HEG1: variants seen among roughly 807,000 people sequenced by gnomAD.
The protein encoded by HEG1 is protein HEG homolog 1.
HEG1 carries 56 observed loss-of-function variants against 125.6 expected under a neutral mutation model. The observed-to-expected ratio is 0.45, with a 90% CI of 0.36 to 0.56. The LOEUF is 0.56. HEG1 is among the 20% of genes least tolerant of loss of function. The pLI is 0.00. For synonymous variants in HEG1, 644 were observed against 668.5 expected, an observed-to-expected ratio of 0.96 and a Z score of 0.57; for missense variants, 1,523 against 1,670.0, an observed-to-expected ratio of 0.91 and a Z score of 1.53.
chr3:125,049,499 T>G (rs535943902), intron 1 of HEG1, among the ~76,000 whole-genome samples: 1 of 152,280 alleles, frequency 6.6e-6, no homozygotes, highest in South Asian at 2.1e-4. Context: ...CCGGCCTCCC[T>G]CTAGTTCAGT....
chr3:125,030,143 C>T (rs1937477482), intron 1 of HEG1, among the ~76,000 whole-genome samples: 1 of 152,152 alleles, frequency 6.6e-6, no homozygotes, highest in East Asian at 1.9e-4. Context: ...CAAGAAGCAT[C>T]TCATATTCGC....
rs1220849175 is a variant in HEG1, at chr3:124,987,950, C to CATAT, written c.3733+2836_3733+2837insATAT. On this transcript the variant is annotated intron_variant, in intron 14 of 16. Coordinates refer to ENST00000311127, the MANE Select transcript of HEG1 (RefSeq NM_020733.2). ...ACACACACACACACACACACACACA[C>CATAT]ACATATATATATATATATATATATA... 1.1e-4 allele frequency among the ~76,000 whole-genome samples: 9 copies of CATAT among 84,012 alleles called. No homozygotes were observed. The South Asian group carries it at 4.3e-3, about 40-fold the overall frequency. The allele number at this position is 84,012 out of a possible 152,430, so 55.1% of individuals were successfully genotyped here. A position where few individuals can be genotyped will look rare whatever the true frequency, so the allele number is the denominator to read the frequency against.
chr3:125,009,650 C>T, intron 8 of HEG1, 55 bp downstream of exon 8: 1 of 1,505,472 alleles, frequency 6.6e-7, no homozygotes, highest in Non-Finnish European at 9.0e-7. Flanking sequence ...CAAATGTTAC[C>T]TTGTAAAATA....
chr3:124,987,920 T>A (rs1238840668), intron 14 of HEG1, among the ~76,000 whole-genome samples: 2 of 43,270 alleles, frequency 4.6e-5, no homozygotes, highest in Admixed American at 7.0e-4. Flanking sequence ...AGACTATATA[T>A]GTGTACACAC....
At chr3:125,009,287 T>G (rs1476243364) in intron 8 of HEG1, among the ~76,000 whole-genome samples, 1 of 131,820 alleles carries the variant, frequency 7.6e-6, no homozygotes, top group Non-Finnish European at 1.5e-5. Context: ...ATCTAAATTG[T>G]TTTTTTTTTT....
intron 8 of HEG1, among the ~76,000 whole-genome samples, chr3:125,008,290 T>TAAAAA (rs1480558569): frequency 6.6e-6 from 1 of 152,230 alleles, no homozygotes; most frequent in African/African-American, 2.4e-5. Context: ...GACTTGATCT[T>TAAAAA]TGTATTTTAA....
chr3:125,048,100 A>C lies in HEG1; in HGVS notation c.316+7475T>G, dbSNP rs578209073. Among the ~76,000 whole-genome samples the C allele has an allele frequency of 4.3e-4, 65 of 152,154 alleles. 2 individuals are homozygous for C. In the South Asian group the frequency reaches 0.013, roughly 30 times the overall value. ...CGAGACATCCCAGGAATTGGGATTGAAGTCTTGTCTGCCTCCCATGCCATC... is the reference window on the plus strand; with the variant it reads ...CGAGACATCCCAGGAATTGGGATTGCAGTCTTGTCTGCCTCCCATGCCATC... On this transcript the variant is annotated intron_variant, in intron 1 of 16. Transcript: ENST00000311127.
intron 12 of HEG1, among the ~76,000 whole-genome samples, chr3:124,996,101 T>C (rs1221524907): frequency 1.3e-5 from 2 of 151,936 alleles, no homozygotes; most frequent in East Asian, 3.9e-4. Context: ...GTTTTCTTTT[T>C]TTTTTTTGAG....
At chr3:125,053,569 G>C (rs1434351177) in intron 1 of HEG1, among the ~76,000 whole-genome samples, 2 of 152,174 alleles carry the variant, frequency 1.3e-5, no homozygotes, top group African/African-American at 2.4e-5. Flanking sequence ...TGGTGTCTGT[G>C]GGGCACCAGG....
chr3:125,013,771 T>C lies in HEG1; in HGVS notation c.1808A>G (p.His603Arg). 1 of 1,613,748 alleles carries C rather than the reference T, an allele frequency of 6.2e-7. No homozygotes were observed. Among genetic ancestry groups the C allele is most frequent in the Non-Finnish European group, 8.5e-7 (1 of 1,179,670 alleles). ...GATGTTACTTCTCTCAGTCTGAGCATGAAAAAAGGAGGAATACTCTGAATG... is the reference window on the plus strand; with the variant it reads ...GATGTTACTTCTCTCAGTCTGAGCACGAAAAAAGGAGGAATACTCTGAATG... ...SSHSEYSSFFHAQTERSNISS... is the reference protein window; with the variant it reads ...SSHSEYSSFFRAQTERSNISS... The change falls in exon 6 of 17, where the codon CAT (histidine) becomes CGT (arginine). Residue 603 changes from histidine (H) to arginine (R), a missense_variant. By Grantham distance (29) the His-to-Arg change is conservative. Coordinates refer to ENST00000311127, the MANE Select transcript of HEG1 (RefSeq NM_020733.2).
At chr3:125,049,157 C>G (rs1483812886) in intron 1 of HEG1, among the ~76,000 whole-genome samples, 1 of 152,180 alleles carries the variant, frequency 6.6e-6, no homozygotes, top group Non-Finnish European at 1.5e-5. Context: ...AGGCCAGAGG[C>G]CTTTCCCCAG....
At chr3:125,028,053 C>T (rs1166708443) in intron 2 of HEG1, among the ~76,000 whole-genome samples, 1 of 151,436 alleles carries the variant, frequency 6.6e-6, no homozygotes, top group African/African-American at 2.4e-5. Flanking sequence ...ACTTTCAGGC[C>T]ATCAACAGGT....
intron 14 of HEG1, among the ~76,000 whole-genome samples, chr3:124,987,515 C>T (rs1579400840): frequency 6.7e-6 from 1 of 148,550 alleles, no homozygotes; most frequent in Admixed American, 6.7e-5. Flanking sequence ...CTCTCTGTTT[C>T]TTTTTTTCTT....
chr3:125,038,432 T>C (rs1937566129), intron 1 of HEG1, among the ~76,000 whole-genome samples: 4 of 152,174 alleles, frequency 2.6e-5, no homozygotes. Context: ...ATCTCTCTTA[T>C]TGCCTACTAA....
At chr3:125,048,933 G>C (rs1937740721) in intron 1 of HEG1, among the ~76,000 whole-genome samples, 1 of 152,226 alleles carries the variant, frequency 6.6e-6, no homozygotes, top group African/African-American at 2.4e-5. Flanking sequence ...TCTAGCTTAA[G>C]GAACTAGGTG....
intron 1 of HEG1, among the ~76,000 whole-genome samples, chr3:125,052,836 A>T (rs541047294): frequency 6.6e-6 from 1 of 152,372 alleles, no homozygotes; most frequent in African/African-American, 2.4e-5. Flanking sequence ...AATACAGGCA[A>T]ACAATCCACA....
chr3:125,036,801 TA>T (rs1310253479), intron 1 of HEG1, among the ~76,000 whole-genome samples: 2 of 152,244 alleles, frequency 1.3e-5, no homozygotes, highest in Non-Finnish European at 2.9e-5. Context: ...GGCAAAGACT[TA>T]AGAATAATAT....
At chr3:125,011,242 A>G (rs1429440842) in intron 6 of HEG1, among the ~76,000 whole-genome samples, 1 of 142,234 alleles carries the variant, frequency 7.0e-6, no homozygotes, top group Non-Finnish European at 1.5e-5. Flanking sequence ...TCAAGTCTTC[A>G]CTCAAAAAAA....
At position 125,013,712 on chromosome 3, in the gene HEG1, T is replaced by C. The variant is rs772568318; in HGVS notation, c.1867A>G (p.Thr623Ala). Residue 623 changes from threonine to alanine, a missense_variant, in exon 6 of 17, where the codon ACT (threonine) becomes GCT (alanine). Physicochemically the swap from Thr to Ala is moderately conservative, Grantham distance 58. Coordinates refer to ENST00000311127, the MANE Select transcript of HEG1 (RefSeq NM_020733.2). ...SYDGEYAQPS[T>A]ESPVLHTSNL... is the part of the protein sequence containing the mutation. ...GATGTATGCAGAACTGGCGACTCAG[T>C]AGAAGGCTGAGCATATTCCCCGTCA... The C allele has an allele frequency of 6.2e-6, 10 of 1,613,864 alleles. No individual in the cohort carries two copies. Among genetic ancestry groups the C allele is most frequent in the African/African-American group, 5.3e-5 (4 of 74,894 alleles).
Sources: gnomAD v4.1 joint callset for allele counts (sites outside exome capture counted in the v4.1 genomes callset) on GRCh38, gnomAD v4.1.1 for gene constraint, MANE v1.5 for transcripts, NCBI Gene and HGNC (gene_info 2026-07-23, HGNC 2026-07-21) for gene names.